Variants in PZP observed in about 807,000 individuals in gnomAD.
PZP encodes pregnancy zone protein.
A neutral mutation model predicts 179.8 loss-of-function variants in PZP; 150 were observed. That is an observed-to-expected ratio of 0.83 (90% confidence interval 0.73 to 0.96). The LOEUF (loss-of-function observed/expected upper bound fraction) is 0.96. PZP is among the 40% of genes least tolerant of loss of function. The pLI is 0.00. For synonymous variants in PZP, 624 were observed against 652.3 expected, an observed-to-expected ratio of 0.96 and a Z score of 0.66; for missense variants, 1,689 against 1,764.0, an observed-to-expected ratio of 0.96 and a Z score of 0.76.
intron 2 of PZP, 105 bp downstream of exon 2, chr12:9,203,663 T>G (rs1944301660): frequency 1.2e-5 from 17 of 1,375,164 alleles, no homozygotes; most frequent in Non-Finnish European, 1.7e-5. Flanking sequence ...ACTACATTCT[T>G]AAAGTCATAC....
chr12:9,182,077 G>A lies in PZP; in HGVS notation c.1587C>T (p.Asp529=), dbSNP rs369848439. The A allele has an allele frequency of 5.6e-5, 90 of 1,613,434 alleles. No individual in the cohort carries two copies. In the African/African-American group the frequency reaches 6.9e-4, roughly 12 times the overall value. ...SFALSFPVES[D]VAPIARMFIF... Reference sequence around the variant, plus strand: ...TGAACATTCGTGCAATGGGGGCAACGTCTGACTCCACAGGGAAGGATAAGG... The same window carrying A: ...TGAACATTCGTGCAATGGGGGCAACATCTGACTCCACAGGGAAGGATAAGG... Residue 529 remains aspartate (D), a synonymous_variant, in exon 14 of 36, where the codon GAC becomes GAT. Transcript: ENST00000261336.
chr12:9,148,133 T>C (rs1442664308), downstream of PZP, among the ~76,000 whole-genome samples: 2 of 152,210 alleles, frequency 1.3e-5, no homozygotes, highest in Non-Finnish European at 2.9e-5. Flanking sequence ...AAAAATTGTG[T>C]ATATTTACCA....
At chr12:9,172,419 A>C (rs1303682776) in intron 15 of PZP, among the ~76,000 whole-genome samples, 1 of 152,206 alleles carries the variant, frequency 6.6e-6, no homozygotes, top group East Asian at 1.9e-4. Context: ...AACACTATGA[A>C]GCAATCACAT....
intron 13 of PZP, 74 bp downstream of exon 13, chr12:9,192,119 T>C: frequency 1.5e-6 from 2 of 1,296,690 alleles, no homozygotes; most frequent in Non-Finnish European, 2.2e-6. Flanking sequence ...CGATTTCCCA[T>C]TTATGAACTG....
chr12:9,191,629 C>T (rs1943461237), intron 13 of PZP, among the ~76,000 whole-genome samples: 2 of 151,810 alleles, frequency 1.3e-5, no homozygotes, highest in Non-Finnish European at 2.9e-5. Flanking sequence ...AAAATGTTTC[C>T]CTTAGTTTAG....
In PZP at chr12:9,166,099, C is replaced by T. The variant is rs145382474; in HGVS notation, c.2211G>A (p.Val737=). Residue 737 remains valine, a synonymous_variant, in exon 18 of 36, where the codon GTG becomes GTA. Transcript: ENST00000261336. ...EQSSGPVPET[V]RSYFPETWIW... ...TCCAAGTCTCAGGAAAATAGCTTCG[C>T]ACCGTTTCAGGGACTGGCCCTGAAC... is the stretch of plus-strand genomic sequence containing the variant. The T allele has an allele frequency of 5.6e-6, 9 of 1,612,570 alleles. No homozygotes were observed. In the African/African-American group the frequency reaches 9.4e-5, roughly 17 times the overall value.
chr12:9,139,945 A>C, the PZP span, among the ~76,000 whole-genome samples: 1 of 152,064 alleles, frequency 6.6e-6, no homozygotes, highest in Non-Finnish European at 1.5e-5. Flanking sequence ...TTCTGTGTGG[A>C]GGAGAAGTTT....
At chr12:9,154,294 G>A (rs1485531641) in intron 29 of PZP, among the ~76,000 whole-genome samples, 1 of 152,198 alleles carries the variant, frequency 6.6e-6, no homozygotes, top group African/African-American at 2.4e-5. Flanking sequence ...CTTTTACAAC[G>A]ATGATGTGGC....
chr12:9,182,222 T>C, intron 13 of PZP, 105 bp from the exon 14 acceptor site: 1 of 1,098,076 alleles, frequency 9.1e-7, no homozygotes, highest in Non-Finnish European at 1.2e-6. Flanking sequence ...ACTTGAGAAC[T>C]GCGTCCATTC....
rs1362524532 is a variant in PZP, at chr12:9,156,330, C to T, written c.3550+845G>A. 1.4e-5 allele frequency: 3 copies of T among 207,192 alleles called. No individual in the cohort carries two copies. The South Asian group carries it at 3.1e-4, about 21-fold the overall frequency. The allele number at this position is 207,192 out of a possible 1,614,324, so 12.8% of individuals were successfully genotyped here. On this transcript the variant is annotated intron_variant, in intron 28 of 35. Coordinates refer to ENST00000261336, the MANE Select transcript of PZP (RefSeq NM_002864.3). ...TCAATGTCACCCTTTGTCCTACTGA[C>T]CATCTTCCCCTCCACCTCCAGGCAC... is the stretch of plus-strand genomic sequence containing the variant.
intron 23 of PZP, 57 bp from the exon 24 acceptor site, chr12:9,160,547 T>C (rs756319580): frequency 6.5e-7 from 1 of 1,528,282 alleles, no homozygotes; most frequent in South Asian, 1.2e-5. Context: ...ATAGCCAACA[T>C]TATTAACAAA....
chr12:9,194,619 C>T (rs367708574), intron 10 of PZP, among the ~76,000 whole-genome samples: 2 of 152,152 alleles, frequency 1.3e-5, no homozygotes, highest in South Asian at 4.2e-4. Context: ...CGCCCGCCAC[C>T]CCGCCCAGCT....
chr12:9,169,320 A>G, intron 16 of PZP, 110 bp downstream of exon 16: 1 of 1,114,436 alleles, frequency 9.0e-7, no homozygotes, highest in Non-Finnish European at 1.2e-6. Context: ...TGTCTGCTGA[A>G]AAATGGAGAG....
intron 28 of PZP, among the ~76,000 whole-genome samples, chr12:9,155,133 T>A (rs945581874): frequency 6.6e-6 from 1 of 152,194 alleles, no homozygotes; most frequent in Non-Finnish European, 1.5e-5. Context: ...TAGAGAGAGT[T>A]CTTTTATTGT....
intron 15 of PZP, among the ~76,000 whole-genome samples, chr12:9,172,170 A>C (rs570279967): frequency 6.6e-6 from 1 of 152,244 alleles, no homozygotes; most frequent in Non-Finnish European, 1.5e-5. Flanking sequence ...AAGCCAGAAG[A>C]AATTGGGGGC....
At chr12:9,198,852 G>T (rs899308925) in intron 7 of PZP, among the ~76,000 whole-genome samples, 2 of 152,096 alleles carry the variant, frequency 1.3e-5, no homozygotes, top group Non-Finnish European at 2.9e-5. Context: ...TAACTCCTTG[G>T]CCATTGCTCT....
chr12:9,205,215 T>G (rs1477543861), intron 1 of PZP, among the ~76,000 whole-genome samples: 1 of 152,222 alleles, frequency 6.6e-6, no homozygotes, highest in African/African-American at 2.4e-5. Context: ...ATTTTTTGTG[T>G]AAGCCTCACA....
intron 17 of PZP, 70 bp from the exon 18 acceptor site, chr12:9,166,272 T>C: frequency 6.6e-7 from 1 of 1,510,912 alleles, no homozygotes; most frequent in South Asian, 1.2e-5. Context: ...TGTGAGACGT[T>C]AGAGAACAAA....
Position 9,166,208 on chromosome 12 carries a change from G to A in PZP, c.2108-6C>T. The A allele has an allele frequency of 6.2e-7, 1 of 1,607,858 alleles. No homozygotes were observed. ...CTCTACTACTCCTAGACCTGCTAAAGTAAGAGAAAATTGTCTAGTTAGGGA... is the reference window on the plus strand; with the variant it reads ...CTCTACTACTCCTAGACCTGCTAAAATAAGAGAAAATTGTCTAGTTAGGGA... On this transcript the variant is annotated splice_region_variant and splice_polypyrimidine_tract_variant and intron_variant, in intron 17 of 35. Coordinates refer to ENST00000261336, the MANE Select transcript of PZP (RefSeq NM_002864.3).
Sources: allele counts gnomAD v4.1 joint callset (sites outside exome capture counted in the v4.1 genomes callset), GRCh38; gene constraint gnomAD v4.1.1; transcripts MANE v1.5; gene names NCBI Gene and HGNC (gene_info 2026-07-23, HGNC 2026-07-21).